PEBP4: variants seen among roughly 807,000 people sequenced by gnomAD.
The protein encoded by PEBP4 is phosphatidylethanolamine binding protein 4.
A neutral mutation model predicts 23.9 loss-of-function variants in PEBP4; 22 were observed. The observed-to-expected ratio is 0.92, with a 90% confidence interval of 0.66 to 1.31. PEBP4 has a LOEUF of 1.31. PEBP4 is among the 40% of genes most tolerant of loss of function. The probability of loss-of-function intolerance (pLI) is 0.00; values close to 1 mark genes in which losing one functional copy is unlikely to be tolerated. For synonymous variants in PEBP4, 112 were observed against 99.3 expected, an observed-to-expected ratio of 1.13 and a Z score of -0.76; for missense variants, 324 against 281.7, an observed-to-expected ratio of 1.15 and a Z score of -1.07.
intron 4 of PEBP4, among the ~76,000 whole-genome samples, chr8:22,781,413 G>A (rs562042508): frequency 3.0e-4 from 46 of 152,298 alleles, no homozygotes; most frequent in African/African-American, 1.0e-3. Context: ...CTCAGGGATC[G>A]CTTTACATAA....
At chr8:22,824,632 G>A (rs181434803) in intron 3 of PEBP4, among the ~76,000 whole-genome samples, 4 of 152,226 alleles carry the variant, frequency 2.6e-5, no homozygotes, top group African/African-American at 9.6e-5. Flanking sequence ...AACACCCTGA[G>A]CTTGTTTTCC....
upstream of PEBP4, among the ~76,000 whole-genome samples, chr8:22,929,419 C>A (rs752055821): frequency 1.3e-5 from 2 of 152,212 alleles, no homozygotes; most frequent in Non-Finnish European, 2.9e-5. Flanking sequence ...GTGTCAACTC[C>A]TTTAGCACAG....
Position 22,713,499 on chromosome 8 carries a change from G to GTT in PEBP4, c.554_555insAA (p.His185GlnfsTer13). ...GGGTGCTTGCTTCAGGTTCGCCCAG[G>GTT]TGGAAACGGTTCAGAAATCTGTCCA... On this transcript the variant is annotated frameshift_variant, in exon 7 of 7. Coordinates refer to ENST00000256404, the MANE Select transcript of PEBP4 (RefSeq NM_144962.3). LOFTEE classifies it low-confidence loss of function (END_TRUNC). 1 of 1,614,182 alleles carries GTT rather than the reference G, an allele frequency of 6.2e-7. No homozygotes were observed. The highest frequency in any genetic ancestry group is 8.5e-7 in the Non-Finnish European group (1 of 1,180,014).
In PEBP4 at chr8:22,864,428, C is replaced by A. The variant is rs557058338; in HGVS notation, c.259-46693G>T. Reference sequence around the variant, plus strand: ...GTGACCTCTGAACCTAACCCAGGACCCAGCACTGACTTAAGAGGAAGTGAG... The same window carrying A: ...GTGACCTCTGAACCTAACCCAGGACACAGCACTGACTTAAGAGGAAGTGAG... On this transcript the variant is annotated intron_variant, in intron 3 of 6. Coordinates refer to ENST00000256404, the MANE Select transcript of PEBP4 (RefSeq NM_144962.3). 1.0e-4 allele frequency among the ~76,000 whole-genome samples: 11 copies of A among 107,462 alleles called. No homozygotes were observed. The East Asian group carries it at 3.0e-3, about 30-fold the overall frequency. 70.5% of individuals were successfully genotyped at this position (107,462 alleles called of 152,430 possible).
chr8:22,903,231 G>A (rs747155218), intron 3 of PEBP4, among the ~76,000 whole-genome samples: 8 of 152,328 alleles, frequency 5.3e-5, no homozygotes, highest in Admixed American at 2.6e-4. Context: ...GACAGCTGGC[G>A]TTGAAATCCT....
intron 4 of PEBP4, among the ~76,000 whole-genome samples, chr8:22,793,517 G>A (rs1037341651): frequency 2.7e-5 from 4 of 149,910 alleles, no homozygotes; most frequent in African/African-American, 9.8e-5. Context: ...CTGACCTCAA[G>A]TGTTCTGCCC....
intron 4 of PEBP4, among the ~76,000 whole-genome samples, chr8:22,796,257 C>T (rs956673370): frequency 6.7e-6 from 1 of 149,766 alleles, no homozygotes; most frequent in Admixed American, 6.7e-5. Context: ...CTCAAGTGTG[C>T]GTGTGTGTGT....
intron 6 of PEBP4, among the ~76,000 whole-genome samples, chr8:22,722,448 C>T (rs1461270841): frequency 6.6e-6 from 1 of 152,204 alleles, no homozygotes; most frequent in Non-Finnish European, 1.5e-5. Context: ...TACAATAAAA[C>T]ACCTTTATAT....
chr8:22,850,785 T>G (rs1807534932), intron 3 of PEBP4, among the ~76,000 whole-genome samples: 1 of 152,174 alleles, frequency 6.6e-6, no homozygotes, highest in Non-Finnish European at 1.5e-5. Context: ...ATATAGTCAG[T>G]GTTACTAACA....
chr8:22,740,680 T>G (rs1050897760), intron 4 of PEBP4, among the ~76,000 whole-genome samples: 1 of 152,262 alleles, frequency 6.6e-6, no homozygotes, highest in East Asian at 1.9e-4. Flanking sequence ...CTGTTCCTTC[T>G]GGAGACCCCC....
intron 4 of PEBP4, among the ~76,000 whole-genome samples, chr8:22,806,411 G>A (rs1010300653): frequency 1.3e-5 from 2 of 152,122 alleles, no homozygotes; most frequent in Non-Finnish European, 2.9e-5. Context: ...GAGGTCAGGA[G>A]TTCGAGATCA....
intron 4 of PEBP4, among the ~76,000 whole-genome samples, chr8:22,734,299 C>T (rs1320175897): frequency 2.6e-5 from 4 of 152,310 alleles, no homozygotes; most frequent in Admixed American, 1.3e-4. Flanking sequence ...ACCCCAATGG[C>T]CTTCTCTTTT....
chr8:22,809,093 T>C (rs1418218935), intron 4 of PEBP4, among the ~76,000 whole-genome samples: 3 of 152,054 alleles, frequency 2.0e-5, no homozygotes, highest in Non-Finnish European at 4.4e-5. Flanking sequence ...CTATGGAGGA[T>C]TGAGGGTGGT....
chr8:22,902,928 C>A (rs1221561021), intron 3 of PEBP4, among the ~76,000 whole-genome samples: 1 of 152,158 alleles, frequency 6.6e-6, no homozygotes, highest in Non-Finnish European at 1.5e-5. Flanking sequence ...TTCCCACACG[C>A]TGTAGGGGTT....
rs999517880 is a variant in PEBP4, at chr8:22,720,649, C to T, written c.517+4194G>A. Among the ~76,000 whole-genome samples the T allele has an allele frequency of 2.3e-4, 35 of 152,214 alleles. 1 individual carries two copies. The highest frequency in any genetic ancestry group is 3.7e-4 in the Non-Finnish European group (25 of 68,032). The stretch of plus-strand genomic sequence containing the variant: ...GGCAAAGTGTGGCCTTTGGGACAAG[C>T]GTCACATAGCTGTCCTGTGACGCTG... On this transcript the variant is annotated intron_variant, in intron 6 of 6. Coordinates refer to ENST00000256404, the MANE Select transcript of PEBP4 (RefSeq NM_144962.3).
At position 22,835,536 on chromosome 8, in the gene PEBP4, G is replaced by C. The variant is rs1807185385; in HGVS notation, c.259-17801C>G. Among the ~76,000 whole-genome samples the C allele has an allele frequency of 2.0e-5, 3 of 152,160 alleles. No homozygotes were observed. In the South Asian group the frequency reaches 6.2e-4, roughly 32 times the overall value. On this transcript the variant is annotated intron_variant, in intron 3 of 6. Transcript: ENST00000256404. ...TCTGGTCCTGTCCATGTCCCCAGGG[G>C]GTATTAAGCTCACCTGGGAATGGGA...
chr8:22,882,001 G>A (rs1663362239), intron 3 of PEBP4, among the ~76,000 whole-genome samples: 2 of 152,122 alleles, frequency 1.3e-5, no homozygotes, highest in South Asian at 4.2e-4. Context: ...TGGCTCAATG[G>A]GGCAGATGAG....
At chr8:22,861,163 G>T (rs1181222252) in intron 3 of PEBP4, among the ~76,000 whole-genome samples, 1 of 152,178 alleles carries the variant, frequency 6.6e-6, no homozygotes, top group Non-Finnish European at 1.5e-5. Context: ...TTTGTCCAGG[G>T]CCTCAGGTTT....
At chr8:22,901,271 G>T (rs1227743810) in intron 3 of PEBP4, among the ~76,000 whole-genome samples, 1 of 152,148 alleles carries the variant, frequency 6.6e-6, no homozygotes, top group Non-Finnish European at 1.5e-5. Flanking sequence ...GGAAGCAAGC[G>T]AAGACAGTGA....
Sources: gnomAD v4.1 joint callset for allele counts (sites outside exome capture counted in the v4.1 genomes callset) on GRCh38, gnomAD v4.1.1 for gene constraint, MANE v1.5 for transcripts, NCBI Gene and HGNC (gene_info 2026-07-23, HGNC 2026-07-21) for gene names.